FOXN3: variants seen among roughly 807,000 people sequenced by gnomAD.
FOXN3 encodes forkhead box protein N3.
A neutral mutation model predicts 38.4 loss-of-function variants in FOXN3; 7 were observed. The ratio of observed to expected loss-of-function variants is 0.18; its 90% confidence interval spans 0.10 to 0.34. The LOEUF is 0.34. Ranked by LOEUF, FOXN3 falls within the 10% of genes least tolerant of loss-of-function variation. FOXN3 has a pLI of 1.00. For missense variants in FOXN3, 456 were observed against 613.4 expected (o/e 0.74, Z 2.71); for synonymous variants, 230 against 242.2 (o/e 0.95, Z 0.47).
chr14:89,201,805 C>A (rs182768890), intron 4 of FOXN3, among the ~76,000 whole-genome samples: 1 of 152,214 alleles, frequency 6.6e-6, no homozygotes, highest in Non-Finnish European at 1.5e-5. Flanking sequence ...CCAGTTCCCA[C>A]GCCAGAAGCC....
chr14:89,185,995 C>A, intron 4 of FOXN3: 1 of 152,500 alleles, frequency 6.6e-6, no homozygotes, highest in Non-Finnish European at 1.5e-5. Flanking sequence ...TCCCCAGCTC[C>A]CCTCCTGAGG....
chr14:89,265,897 T>C (rs1478373728), intron 4 of FOXN3, among the ~76,000 whole-genome samples: 3 of 152,180 alleles, frequency 2.0e-5, no homozygotes, highest in African/African-American at 7.2e-5. Flanking sequence ...GATGATGACA[T>C]TCACGTTCCC....
intron 2 of FOXN3, chr14:89,353,733 A>G (rs1277286580): frequency 6.6e-6 from 1 of 152,116 alleles, no homozygotes; most frequent in Non-Finnish European, 1.5e-5. Flanking sequence ...CCATCTCCCA[A>G]AAAAAATTTT....
intron 1 of FOXN3, among the ~76,000 whole-genome samples, chr14:89,575,487 C>T (rs1895590645): frequency 6.6e-6 from 1 of 152,122 alleles, no homozygotes; most frequent in Non-Finnish European, 1.5e-5. Flanking sequence ...AAAGGCAGGT[C>T]CTCTCCAATG....
At chr14:89,169,527 A>ACACACT (rs60827900) in intron 5 of FOXN3, among the ~76,000 whole-genome samples, 3 of 145,240 alleles carry the variant, frequency 2.1e-5, no homozygotes, top group Middle Eastern at 3.3e-3. Context: ...ACACACACAC[A>ACACACT]CTCACAAAAC....
intron 1 of FOXN3, among the ~76,000 whole-genome samples, chr14:89,603,484 C>A (rs980747217): frequency 1.3e-5 from 2 of 152,094 alleles, no homozygotes; most frequent in Non-Finnish European, 2.9e-5. Context: ...AAGGATTATG[C>A]TTTTTTCTCT....
chr14:89,304,630 G>C (rs1440031336), intron 3 of FOXN3, among the ~76,000 whole-genome samples: 1 of 152,148 alleles, frequency 6.6e-6, no homozygotes, highest in Non-Finnish European at 1.5e-5. Context: ...TGGGCAAATG[G>C]ATGATTCTGG....
intron 3 of FOXN3, among the ~76,000 whole-genome samples, chr14:89,303,713 A>C (rs1428933189): frequency 6.6e-6 from 1 of 152,206 alleles, no homozygotes; most frequent in African/African-American, 2.4e-5. Flanking sequence ...TCTACAGAAA[A>C]GAAAAGGAAA....
At chr14:89,523,001 C>A (rs950208538) in intron 1 of FOXN3, among the ~76,000 whole-genome samples, 5 of 151,464 alleles carry the variant, frequency 3.3e-5, no homozygotes, top group African/African-American at 4.8e-5. Context: ...ACCACAACTA[C>A]GTTAAAAGCA....
chr14:89,293,247 C>T (rs578083234), intron 3 of FOXN3, among the ~76,000 whole-genome samples: 14 of 152,366 alleles, frequency 9.2e-5, no homozygotes, highest in Non-Finnish European at 1.8e-4. Context: ...CAGCTTCCCC[C>T]CTCTGCCTTG....
chr14:89,515,296 T>C (rs372782805), intron 1 of FOXN3, among the ~76,000 whole-genome samples: 192 of 152,252 alleles, frequency 1.3e-3, no homozygotes, highest in Non-Finnish European at 2.4e-3. Context: ...AGGAAAAAGA[T>C]TGACAGCCAC....
chr14:89,434,198 C>G (rs1055739317), intron 1 of FOXN3, among the ~76,000 whole-genome samples: 2 of 149,578 alleles, frequency 1.3e-5, no homozygotes, highest in Non-Finnish European at 3.0e-5. Flanking sequence ...GCTGGGATTA[C>G]AGACGTGAGT....
chr14:89,208,477 A>G (rs1888442846), intron 4 of FOXN3, among the ~76,000 whole-genome samples: 1 of 152,220 alleles, frequency 6.6e-6, no homozygotes, highest in Non-Finnish European at 1.5e-5. Context: ...CTGTCTATCC[A>G]TGGAATCACC....
chr14:89,611,973 G>A (rs143052668), intron 1 of FOXN3, among the ~76,000 whole-genome samples: 1 of 152,150 alleles, frequency 6.6e-6, no homozygotes, highest in African/African-American at 2.4e-5. Flanking sequence ...CCCCCCGAAG[G>A]GAACTCCATT....
intron 3 of FOXN3, among the ~76,000 whole-genome samples, chr14:89,335,795 CAAT>C (rs952606966): frequency 5.3e-5 from 8 of 152,088 alleles, no homozygotes; most frequent in African/African-American, 1.9e-4. Context: ...GCTCTAACAA[CAAT>C]AATTTTTTTT....
At chr14:89,267,746 G>A (rs530982305) in intron 4 of FOXN3, among the ~76,000 whole-genome samples, 1 of 152,216 alleles carries the variant, frequency 6.6e-6, no homozygotes, top group East Asian at 1.9e-4. Context: ...ATGCAGTGAG[G>A]GGAAGATCAG....
chr14:89,439,049 C>T (rs55757740), intron 1 of FOXN3, among the ~76,000 whole-genome samples: 7,690 of 152,228 alleles, frequency 0.051, 276 homozygotes, highest in Middle Eastern at 0.11. Flanking sequence ...TGAGCCACCA[C>T]GCCTGGCCTT....
At chr14:89,413,563 G>A (rs1326185764) in intron 1 of FOXN3, among the ~76,000 whole-genome samples, 3 of 151,990 alleles carry the variant, frequency 2.0e-5, no homozygotes, top group Admixed American at 2.0e-4. Context: ...AACCCAAGAA[G>A]CTGAGGCTGC....
chr14:89,606,625 G>A (rs559064751), intron 1 of FOXN3, among the ~76,000 whole-genome samples: 10 of 152,270 alleles, frequency 6.6e-5, no homozygotes, highest in East Asian at 1.9e-4. Flanking sequence ...CGAGGTAGGC[G>A]GAGCACCTGA....
Sources: gnomAD v4.1 joint callset for allele counts (sites outside exome capture counted in the v4.1 genomes callset) on GRCh38, gnomAD v4.1.1 for gene constraint, MANE v1.5 for transcripts, NCBI Gene and HGNC (gene_info 2026-07-23, HGNC 2026-07-21) for gene names.